The following MPP4 variants were observed in gnomAD, a reference collection of about 807,000 sequenced individuals.
The protein encoded by MPP4 is MAGUK p55 subfamily member 4.
Under a neutral mutation model 98.3 loss-of-function variants are expected in MPP4, and 91 were observed. The ratio of observed to expected loss-of-function variants is 0.93; its 90% CI spans 0.78 to 1.10. MPP4 has a LOEUF of 1.10. Ranked by LOEUF, MPP4 falls within the 50% of genes least tolerant of loss-of-function variation. MPP4 has a pLI of 0.00. For synonymous variants in MPP4, 261 were observed against 271.8 expected, an observed-to-expected ratio of 0.96 and a Z score of 0.39; for missense variants, 744 against 792.9, an observed-to-expected ratio of 0.94 and a Z score of 0.74.
At chr2:201,668,694 G>A (rs1270131119) in intron 12 of MPP4, among the ~76,000 whole-genome samples, 2 of 152,100 alleles carry the variant, frequency 1.3e-5, no homozygotes, top group African/African-American at 2.4e-5. Flanking sequence ...CTTAGTCTGT[G>A]GTATCTTGTT....
intron 10 of MPP4, among the ~76,000 whole-genome samples, chr2:201,677,543 C>T (rs1389781980): frequency 2.0e-5 from 3 of 152,026 alleles, no homozygotes; most frequent in Non-Finnish European, 4.4e-5. Flanking sequence ...CAAAACAAAA[C>T]CCCCCCAGCT....
chr2:201,645,072 A>G lies in MPP4; in HGVS notation c.*138T>C. 1 of 800,646 alleles carries G rather than the reference A, an allele frequency of 1.2e-6. No homozygotes were observed. The allele number at this position is 800,646 out of a possible 1,614,324, so 49.6% of individuals were successfully genotyped here. The stretch of plus-strand genomic sequence containing the variant: ...AACCATACAATAAAAATTTTTTTCA[A>G]ATAAGATTAATTAATAAATTGCTGC... On this transcript the variant is annotated 3_prime_UTR_variant, in exon 22 of 22. Transcript: ENST00000409474.
At chr2:201,684,746 T>A (rs2015946) in intron 7 of MPP4, among the ~76,000 whole-genome samples, 1 of 151,684 alleles carries the variant, frequency 6.6e-6, no homozygotes, top group East Asian at 2.0e-4. Context: ...GTCGGGAGAT[T>A]GAGACCATCC....
At position 201,660,366 on chromosome 2, in the gene MPP4, C is replaced by T. The variant is rs1296176164; in HGVS notation, c.1073-20G>A. ...GTTCCTCTGGATATTTGGGTAAGTG[C>T]AGAAACAGACATGAAAAAGTTAAGC... On this transcript the variant is annotated intron_variant, in intron 14 of 21. Coordinates refer to ENST00000409474, the MANE Select transcript of MPP4 (RefSeq NM_033066.3). The T allele has an allele frequency of 6.2e-7, 1 of 1,613,080 alleles. No homozygotes were observed. The highest frequency in any genetic ancestry group is 1.7e-5 in the Admixed American group (1 of 60,010).
chr2:201,666,101 A>G, intron 13 of MPP4: 1 of 385,824 alleles, frequency 2.6e-6, no homozygotes, highest in South Asian at 6.7e-5. Flanking sequence ...GATCATTTAC[A>G]AAGCACTGCT....
chr2:201,694,104 A>G (rs1238443222), intron 1 of MPP4, 50 bp from the exon 2 acceptor site: 9 of 1,527,304 alleles, frequency 5.9e-6, no homozygotes, highest in Non-Finnish European at 7.1e-6. Flanking sequence ...GCCCTGTGCT[A>G]CACACTGGGA....
At chr2:201,656,919 T>A (rs554850445) in intron 16 of MPP4, among the ~76,000 whole-genome samples, 2 of 152,268 alleles carry the variant, frequency 1.3e-5, no homozygotes, top group Admixed American at 1.3e-4. Context: ...CAAGGAAGCC[T>A]GTATAGCTGC....
intron 6 of MPP4, among the ~76,000 whole-genome samples, chr2:201,685,676 T>C (rs552885415): frequency 6.6e-6 from 1 of 152,340 alleles, no homozygotes; most frequent in South Asian, 2.1e-4. Flanking sequence ...CAAAAATGTC[T>C]TATAAATCTC....
intron 18 of MPP4, chr2:201,651,222 G>A (rs558961284): frequency 9.1e-5 from 90 of 985,380 alleles, no homozygotes; most frequent in Admixed American, 3.7e-4. Flanking sequence ...CTAGAAACCG[G>A]CCTTAAATTA....
intron 18 of MPP4, chr2:201,650,983 T>A: frequency 1.0e-6 from 1 of 984,778 alleles, no homozygotes; most frequent in Non-Finnish European, 1.2e-6. Context: ...AACTAGTGTG[T>A]ACTGAGTGCC....
At chr2:201,677,317 T>A (rs537041657) in intron 10 of MPP4, among the ~76,000 whole-genome samples, 4 of 152,332 alleles carry the variant, frequency 2.6e-5, no homozygotes, top group Non-Finnish European at 1.5e-5. Context: ...CACTGGAAAG[T>A]CACGTCTACT....
chr2:201,683,190 A>G (rs1192995518), intron 7 of MPP4, among the ~76,000 whole-genome samples: 1 of 152,222 alleles, frequency 6.6e-6, no homozygotes, highest in Non-Finnish European at 1.5e-5. Context: ...ATGGAACCAG[A>G]ACGCTGGTAA....
rs1688815897 is a variant in MPP4, at chr2:201,685,908, G to T, written c.492+11C>A. On this transcript the variant is annotated intron_variant, in intron 6 of 21. Coordinates refer to ENST00000409474, the MANE Select transcript of MPP4 (RefSeq NM_033066.3). The stretch of plus-strand genomic sequence containing the variant: ...TACCCTAAATGGAAAGATAAAAAAT[G>T]ATTTCCTTACCAGGGGCTGTTGGTT... 5 of 1,608,092 alleles carry T rather than the reference G, an allele frequency of 3.1e-6. No homozygotes were observed. Among genetic ancestry groups the T allele is most frequent in the Non-Finnish European group, 4.3e-6 (5 of 1,175,710 alleles).
At position 201,678,831 on chromosome 2, in the gene MPP4, G is replaced by A. The variant is rs752962065; in HGVS notation, c.929+2007C>T. ...TCCCACTACTTTTCTGGTAGCCATCGCCAGCTCACTCCTGCTCACTCCTAG... is the reference window on the plus strand; with the variant it reads ...TCCCACTACTTTTCTGGTAGCCATCACCAGCTCACTCCTGCTCACTCCTAG... On this transcript the variant is annotated intron_variant, in intron 10 of 21. Transcript: ENST00000409474. Among the ~76,000 whole-genome samples, 7 of 152,058 alleles carry A rather than the reference G, an allele frequency of 4.6e-5. No homozygotes were observed. In the East Asian group the frequency reaches 1.2e-3, roughly 25 times the overall value.
At chr2:201,683,873 T>C (rs1688736946) in intron 7 of MPP4, among the ~76,000 whole-genome samples, 1 of 152,156 alleles carries the variant, frequency 6.6e-6, no homozygotes, top group Non-Finnish European at 1.5e-5. Flanking sequence ...TGCTAGGTTT[T>C]AGGGCTTCGG....
intron 1 of MPP4, chr2:201,697,949 C>T (rs1421966747): frequency 1.4e-5 from 14 of 985,296 alleles, no homozygotes; most frequent in Non-Finnish European, 1.7e-5. Flanking sequence ...TCCATGACTT[C>T]TGTACCAAAT....
At position 201,645,031 on chromosome 2, in the gene MPP4, A is replaced by G; in HGVS notation, c.*179T>C. The G allele has an allele frequency of 2.2e-6, 1 of 454,582 alleles. No individual in the cohort carries two copies. The highest frequency in any genetic ancestry group is 3.6e-6 in the Non-Finnish European group (1 of 276,254). 28.2% of individuals were successfully genotyped at this position (454,582 alleles called of 1,614,324 possible). ...AGGTAAAGGAAAAAAAATTAAGTTA[A>G]AATAGGTAACCACATAACCATACAA... is the stretch of plus-strand genomic sequence containing the variant. On this transcript the variant is annotated 3_prime_UTR_variant, in exon 22 of 22. Coordinates refer to ENST00000409474, the MANE Select transcript of MPP4 (RefSeq NM_033066.3).
chr2:201,680,695 C>T (rs1688640765), intron 10 of MPP4, 143 bp downstream of exon 10: 2 of 683,090 alleles, frequency 2.9e-6, no homozygotes, highest in Non-Finnish European at 4.9e-6. Context: ...GATAAGTTGA[C>T]ATTTGGATTT....
At chr2:201,663,070 A>G (rs1012093036) in intron 14 of MPP4, among the ~76,000 whole-genome samples, 1 of 152,248 alleles carries the variant, frequency 6.6e-6, no homozygotes, top group Non-Finnish European at 1.5e-5. Context: ...TCGAATAAAC[A>G]GGATACGTGG....
Sources: allele counts gnomAD v4.1 joint callset (sites outside exome capture counted in the v4.1 genomes callset), GRCh38; gene constraint gnomAD v4.1.1; transcripts MANE v1.5; gene names NCBI Gene and HGNC (gene_info 2026-07-23, HGNC 2026-07-21).